Variants in ADAMTS2 observed in about 807,000 individuals in gnomAD.
The protein encoded by ADAMTS2 is ADAM metallopeptidase with thrombospondin type 1 motif 2.
A neutral mutation model predicts 123.0 loss-of-function variants in ADAMTS2; 50 were observed. The observed-to-expected ratio is 0.41, with a 90% confidence interval of 0.32 to 0.51. The LOEUF (loss-of-function observed/expected upper bound fraction) is 0.51, where lower values mean the gene tolerates loss of function less well. ADAMTS2 is among the 20% of genes least tolerant of loss of function. ADAMTS2 has a pLI of 0.35. For synonymous variants in ADAMTS2, 678 were observed against 695.4 expected, an observed-to-expected ratio of 0.98 and a Z score of 0.39; for missense variants, 1,494 against 1,705.2, an observed-to-expected ratio of 0.88 and a Z score of 2.18.
rs1756853022 is a variant in ADAMTS2, at chr5:179,312,215, C to T, written c.534+31552G>A. 6.6e-6 allele frequency among the ~76,000 whole-genome samples: 1 copy of T among 152,098 alleles called. No homozygotes were observed. The highest frequency in any genetic ancestry group is 6.5e-5 in the Admixed American group (1 of 15,276). ...TGTAGATGCGGTGAGTCCAAGGATC[C>T]TGAGATGGAGTGACTGCTGGATTTT... On this transcript the variant is annotated intron_variant, in intron 2 of 21. Coordinates refer to ENST00000251582, the MANE Select transcript of ADAMTS2 (RefSeq NM_014244.5). The surrounding 1 kb of genome is among the most constrained non-coding windows in gnomAD (Gnocchi z 4.2).
intron 21 of ADAMTS2, chr5:179,121,446 C>T: frequency 4.8e-6 from 2 of 414,800 alleles, no homozygotes; most frequent in East Asian, 3.7e-5. Flanking sequence ...CAACCAGGTT[C>T]GGCCCCAGCA....
intron 3 of ADAMTS2, among the ~76,000 whole-genome samples, chr5:179,227,295 G>C (rs1327965776): frequency 1.3e-5 from 2 of 152,210 alleles, no homozygotes; most frequent in African/African-American, 4.8e-5. Context: ...CAGCCAAAAA[G>C]CAAGCCACGC....
At chr5:179,122,825 C>T (rs1449085981) in intron 19 of ADAMTS2, 52 bp from the exon 20 acceptor site, 1 of 1,549,532 alleles carries the variant, frequency 6.5e-7, no homozygotes, top group South Asian at 1.2e-5. Context: ...AGGGCCCGCA[C>T]TGGCAGAGCT....
chr5:179,158,130 A>C lies in ADAMTS2; in HGVS notation c.1132+593T>G, dbSNP rs1035316874. The stretch of plus-strand genomic sequence containing the variant: ...CAGGCGCCCGCCACCATGCCCTGCT[A>C]ATTTTTTTGTATTTTTATTAGAGAC... On this transcript the variant is annotated intron_variant, in intron 6 of 21. Coordinates refer to ENST00000251582, the MANE Select transcript of ADAMTS2 (RefSeq NM_014244.5). The surrounding 1 kb of genome is among the most constrained non-coding windows in gnomAD (Gnocchi z 5.0). 3.9e-5 allele frequency among the ~76,000 whole-genome samples: 6 copies of C among 151,926 alleles called. No individual in the cohort carries two copies. The highest frequency in any genetic ancestry group is 1.5e-4 in the African/African-American group (6 of 41,366).
Position 179,185,625 on chromosome 5 carries a change from C to T in ADAMTS2, c.892-4470G>A, listed in dbSNP as rs1233374152. ...TTGGGACAGGAGGTGACCAACCACT[C>T]CAAAAGCCCCGTCGCTGGGCATGGA... On this transcript the variant is annotated intron_variant, in intron 4 of 21. Coordinates refer to ENST00000251582, the MANE Select transcript of ADAMTS2 (RefSeq NM_014244.5). This position sits in a 1 kb window ranked among gnomAD's most constrained non-coding sequence, Gnocchi z 5.9. Among the ~76,000 whole-genome samples the T allele has an allele frequency of 2.6e-5, 4 of 152,106 alleles. No homozygotes were observed. Among genetic ancestry groups the T allele is most frequent in the African/African-American group, 9.7e-5 (4 of 41,420 alleles).
chr5:179,192,652 C>A (rs76617916), intron 4 of ADAMTS2, among the ~76,000 whole-genome samples: 17 of 152,216 alleles, frequency 1.1e-4, no homozygotes, highest in Non-Finnish European at 2.5e-4. Flanking sequence ...CCCTGCCAGG[C>A]GCGGGTGGGA....
chr5:179,302,642 G>T (rs960965690), intron 2 of ADAMTS2, among the ~76,000 whole-genome samples: 15 of 151,986 alleles, frequency 9.9e-5, no homozygotes, highest in Non-Finnish European at 1.5e-4. Context: ...TATCTCCCGG[G>T]GGGGCAAATG....
At chr5:179,209,775 G>A (rs1764809038) in intron 3 of ADAMTS2, among the ~76,000 whole-genome samples, 1 of 152,224 alleles carries the variant, frequency 6.6e-6, no homozygotes, top group Admixed American at 6.5e-5. Flanking sequence ...CTGACAGGGG[G>A]GTTGAGGAAT....
At chr5:179,279,413 C>G (rs1283253016) in intron 2 of ADAMTS2, among the ~76,000 whole-genome samples, 6 of 152,228 alleles carry the variant, frequency 3.9e-5, no homozygotes, top group Non-Finnish European at 7.3e-5. Flanking sequence ...TGAAAGTATT[C>G]TAACTCCAAG....
chr5:179,205,221 C>A (rs1347377742), intron 4 of ADAMTS2, among the ~76,000 whole-genome samples: 2 of 152,188 alleles, frequency 1.3e-5, no homozygotes, highest in Non-Finnish European at 2.9e-5. Context: ...CCTCTGCCAG[C>A]CTCATGAAGG....
chr5:179,135,047 C>T lies in ADAMTS2; in HGVS notation c.2085+862G>A, dbSNP rs1285412127. ...GGCTCCAGCTCCAGCCCCCAGCTCC[C>T]GGCTCCAGCTCCCAGCTCCCGGGTC... On this transcript the variant is annotated intron_variant, in intron 13 of 21. Coordinates refer to ENST00000251582, the MANE Select transcript of ADAMTS2 (RefSeq NM_014244.5). Among the ~76,000 whole-genome samples, 30 of 92,122 alleles carry T rather than the reference C, an allele frequency of 3.3e-4. 2 individuals carry two copies. Among genetic ancestry groups the T allele is most frequent in the Admixed American group, 1.0e-3 (10 of 9,732 alleles). The allele number at this position is 92,122 out of a possible 152,430, so 60.4% of individuals were successfully genotyped here. A position where few individuals can be genotyped will look rare whatever the true frequency, so the allele number is the denominator to read the frequency against.
intron 4 of ADAMTS2, among the ~76,000 whole-genome samples, chr5:179,205,626 A>T (rs1764664253): frequency 6.6e-6 from 1 of 152,138 alleles, no homozygotes; most frequent in African/African-American, 2.4e-5. Flanking sequence ...GGCAGCCAAG[A>T]TTTTATACCT....
Position 179,130,328 on chromosome 5 carries a change from CA to C in ADAMTS2, c.2291-231del, listed in dbSNP as rs1421238218. Among the ~76,000 whole-genome samples, 1 of 152,186 alleles carries C rather than the reference CA, an allele frequency of 6.6e-6. No individual in the cohort carries two copies. Among genetic ancestry groups the C allele is most frequent in the Non-Finnish European group, 1.5e-5 (1 of 68,026 alleles). ...ACCCTCCACTCGCATCCTCTGCCCC[CA>C]CCAGCCCTGGAGGTGCCGGCTCCCC... On this transcript the variant is annotated intron_variant, in intron 15 of 21. Coordinates refer to ENST00000251582, the MANE Select transcript of ADAMTS2 (RefSeq NM_014244.5). The surrounding 1 kb of genome is among the most constrained non-coding windows in gnomAD (Gnocchi z 4.3).
At chr5:179,149,749 G>A (rs1006071422) in intron 10 of ADAMTS2, among the ~76,000 whole-genome samples, 9 of 152,178 alleles carry the variant, frequency 5.9e-5, no homozygotes, top group African/African-American at 7.2e-5. Flanking sequence ...ACAGCAGCCC[G>A]GGAGGAGCCC....
Position 179,124,394 on chromosome 5 carries a change from G to A in ADAMTS2, c.2958+579C>T, listed in dbSNP as rs180783562. ...TTCCTCCCAGCACAAGCCTAAGCAC[G>A]CCCTGCTCTTCTCCCCTCCTGCGAG... On this transcript the variant is annotated intron_variant, in intron 19 of 21. Coordinates refer to ENST00000251582, the MANE Select transcript of ADAMTS2 (RefSeq NM_014244.5). Among the ~76,000 whole-genome samples, 1,139 of 152,112 alleles carry A rather than the reference G, an allele frequency of 7.5e-3. 12 individuals carry two copies. The highest frequency in any genetic ancestry group is 0.026 in the African/African-American group (1,080 of 41,510).
rs1034265187 is a variant in ADAMTS2, at chr5:179,180,597, C to T, written c.975+475G>A. Among the ~76,000 whole-genome samples the T allele has an allele frequency of 2.0e-5, 3 of 152,198 alleles. No individual in the cohort carries two copies. The highest frequency in any genetic ancestry group is 7.2e-5 in the African/African-American group (3 of 41,438). ...CAGCCACCTCCTTTATCAGACTTCA[C>T]ACTCTGAGCCACTATCCCCCTGCCC... On this transcript the variant is annotated intron_variant, in intron 5 of 21. Coordinates refer to ENST00000251582, the MANE Select transcript of ADAMTS2 (RefSeq NM_014244.5). The surrounding 1 kb of genome is among the most constrained non-coding windows in gnomAD (Gnocchi z 4.6).
intron 3 of ADAMTS2, among the ~76,000 whole-genome samples, chr5:179,227,437 C>T (rs1305835444): frequency 6.6e-6 from 1 of 152,138 alleles, no homozygotes; most frequent in Non-Finnish European, 1.5e-5. Flanking sequence ...CAGTCAAGGC[C>T]CAGCTGTGAT....
At chr5:179,276,783 G>A (rs1444759777) in intron 2 of ADAMTS2, among the ~76,000 whole-genome samples, 1 of 152,204 alleles carries the variant, frequency 6.6e-6, no homozygotes, top group African/African-American at 2.4e-5. Context: ...ACTGGGGCAT[G>A]AGGACCCCTT....
intron 4 of ADAMTS2, among the ~76,000 whole-genome samples, chr5:179,204,186 C>CG (rs1764626619): frequency 6.6e-6 from 1 of 151,896 alleles, no homozygotes; most frequent in African/African-American, 2.4e-5. Flanking sequence ...TGCCAGGAGT[C>CG]GGGGGGAGGG....
Sources: allele counts gnomAD v4.1 joint callset (sites outside exome capture counted in the v4.1 genomes callset), GRCh38; gene constraint gnomAD v4.1.1; non-coding constraint Gnocchi (gnomAD v3.1); transcripts MANE v1.5; gene names NCBI Gene and HGNC (gene_info 2026-07-23, HGNC 2026-07-21).